Variants in CWF19L2 observed in about 807,000 individuals in gnomAD.
The protein encoded by CWF19L2 is CWF19-like protein 2.
A neutral mutation model predicts 111.7 loss-of-function variants in CWF19L2; 98 were observed. That is an observed-to-expected ratio of 0.88 (90% CI 0.75 to 1.04). CWF19L2 has a LOEUF of 1.04. Among genes scored for constraint, CWF19L2 ranks in the 50% least tolerant of loss-of-function variants. The pLI is 0.00. For synonymous variants in CWF19L2, 351 were observed against 342.9 expected, an observed-to-expected ratio of 1.02 and a Z score of -0.26; for missense variants, 1,101 against 1,051.4, an observed-to-expected ratio of 1.05 and a Z score of -0.65.
intron 10 of CWF19L2, among the ~76,000 whole-genome samples, chr11:107,402,868 G>GGTGTGTGT (rs1290211766): frequency 4.2e-4 from 18 of 42,694 alleles, no homozygotes; most frequent in African/African-American, 1.1e-3. Flanking sequence ...AACAAACTGT[G>GGTGTGTGT]GTGTGTATAT....
rs146846176 is a variant in CWF19L2 at position 107,411,089 on chromosome 11, G to GCACACACACACACA, written c.1617+5106_1617+5119dup. On this transcript the variant is annotated intron_variant, in intron 10 of 17. Transcript: ENST00000282251. ...GTGGTGTGTGTGTGCGCGCGTGCGT[G>GCACACACACACACA]CACACACACACACACACACACACAC... 6.5e-3 allele frequency among the ~76,000 whole-genome samples: 970 copies of GCACACACACACACA among 148,772 alleles called. 8 individuals carry two copies. The highest frequency in any genetic ancestry group is 0.021 in the African/African-American group (855 of 40,252).
At chr11:107,429,985 GA>G (rs1861441856) in intron 7 of CWF19L2, among the ~76,000 whole-genome samples, 1 of 151,762 alleles carries the variant, frequency 6.6e-6, no homozygotes, top group Admixed American at 6.6e-5. Flanking sequence ...TAAGTTATAA[GA>G]AAAAAAGATA....
At chr11:107,394,558 T>G (rs1053183565) in intron 10 of CWF19L2, among the ~76,000 whole-genome samples, 1 of 152,252 alleles carries the variant, frequency 6.6e-6, no homozygotes, top group African/African-American at 2.4e-5. Context: ...CTCTCCTGGT[T>G]CTGCCTTTAC....
intron 3 of CWF19L2, among the ~76,000 whole-genome samples, chr11:107,447,868 A>G (rs190002985): frequency 7.6e-4 from 116 of 152,298 alleles, no homozygotes; most frequent in African/African-American, 1.6e-3. Flanking sequence ...GAAACAGCAA[A>G]CCAAGACTTT....
chr11:107,391,461 G>A (rs1860845889), intron 11 of CWF19L2, among the ~76,000 whole-genome samples: 2 of 152,152 alleles, frequency 1.3e-5, no homozygotes, highest in South Asian at 4.1e-4. Context: ...AATTTCTATT[G>A]TTTAAGCCAT....
Position 107,353,717 on chromosome 11 carries a change from C to A in CWF19L2, c.1892G>T (p.Gly631Val). The A allele has an allele frequency of 6.2e-7, 1 of 1,613,662 alleles. No individual in the cohort carries two copies. Residue 631 changes from glycine to valine, a missense_variant, in exon 13 of 18, where the codon GGA becomes GTA. Gly to Val is a moderately radical substitution (Grantham distance 109). Transcript: ENST00000282251. The stretch of plus-strand genomic sequence containing the variant: ...CATGTCATCCAGGGTGTAATAGTCT[C>A]CATCTGTTTTTCCCATAAACTGAAA... ...MASKFMGKTD[G>V]DYYTLDDMFV...
intron 16 of CWF19L2, among the ~76,000 whole-genome samples, chr11:107,330,359 A>C (rs1437982653): frequency 6.6e-6 from 1 of 152,180 alleles, no homozygotes; most frequent in Non-Finnish European, 1.5e-5. Context: ...ATAGAGAATA[A>C]GTATATGCCT....
chr11:107,353,446 A>T, intron 13 of CWF19L2, 78 bp downstream of exon 13: 1 of 1,085,750 alleles, frequency 9.2e-7, no homozygotes, highest in East Asian at 2.5e-5. Flanking sequence ...CAAAATAATA[A>T]ACTTATTCAA....
intron 14 of CWF19L2, among the ~76,000 whole-genome samples, chr11:107,337,929 T>C (rs1859951835): frequency 7.2e-6 from 1 of 139,456 alleles, no homozygotes; most frequent in African/African-American, 2.6e-5. Flanking sequence ...CTTTACTCAG[T>C]TTCCCCAAGG....
At chr11:107,412,621 A>G (rs897733608) in intron 10 of CWF19L2, among the ~76,000 whole-genome samples, 1 of 152,184 alleles carries the variant, frequency 6.6e-6, no homozygotes, top group African/African-American at 2.4e-5. Context: ...GATTACAGGC[A>G]TGAGCCAGTG....
chr11:107,382,472 G>T (rs895187581), intron 12 of CWF19L2, among the ~76,000 whole-genome samples: 1 of 152,154 alleles, frequency 6.6e-6, no homozygotes, highest in Non-Finnish European at 1.5e-5. Context: ...GATGTGAAAG[G>T]TGAAACAAGA....
At chr11:107,404,156 T>G in intron 10 of CWF19L2, 1 of 775,978 alleles carries the variant, frequency 1.3e-6, no homozygotes, top group Non-Finnish European at 2.4e-6. Flanking sequence ...TCTGCACGAT[T>G]TTTTGCATTT....
In CWF19L2 at chr11:107,380,033, C is replaced by T. The variant is rs986786439; in HGVS notation, c.1872+10041G>A. 2.9e-5 allele frequency among the ~76,000 whole-genome samples: 3 copies of T among 103,672 alleles called. No individual in the cohort carries two copies. In the Admixed American group the frequency reaches 4.3e-4, roughly 15 times the overall value. 68.0% of individuals were successfully genotyped at this position (103,672 alleles called of 152,430 possible). A position where few individuals can be genotyped will look rare whatever the true frequency, so the allele number is the denominator to read the frequency against. ...CTGCCCTCCAACCTGGGCGACAGAG[C>T]GAGACACCGTCTCAAAAAAAAAAAA... On this transcript the variant is annotated intron_variant, in intron 12 of 17. Coordinates refer to ENST00000282251, the MANE Select transcript of CWF19L2 (RefSeq NM_152434.3).
intron 3 of CWF19L2, among the ~76,000 whole-genome samples, chr11:107,443,835 T>C (rs1015154671): frequency 2.0e-5 from 3 of 152,220 alleles, no homozygotes; most frequent in Non-Finnish European, 2.9e-5. Context: ...CCAATTCCCA[T>C]ATTCTCAGCA....
intron 14 of CWF19L2, among the ~76,000 whole-genome samples, chr11:107,337,507 C>G (rs954528707): frequency 1.3e-5 from 2 of 151,900 alleles, no homozygotes; most frequent in Non-Finnish European, 2.9e-5. Context: ...CATGACACCC[C>G]CTGTAGTACA....
chr11:107,361,619 T>G (rs972149305), intron 12 of CWF19L2, among the ~76,000 whole-genome samples: 1 of 152,236 alleles, frequency 6.6e-6, no homozygotes, highest in African/African-American at 2.4e-5. Context: ...ATGGGATGTT[T>G]TTCCATTTAT....
chr11:107,402,734 C>G (rs1300029393), intron 10 of CWF19L2, among the ~76,000 whole-genome samples: 4 of 151,582 alleles, frequency 2.6e-5, no homozygotes. Flanking sequence ...TACTGGGTAT[C>G]TATCCAAAGG....
chr11:107,354,108 T>C (rs922421924), intron 12 of CWF19L2, among the ~76,000 whole-genome samples: 1 of 152,100 alleles, frequency 6.6e-6, no homozygotes, highest in Non-Finnish European at 1.5e-5. Flanking sequence ...AACTTTTTTT[T>C]TTTTTTTAAC....
At chr11:107,349,840 A>C (rs1032573485) in intron 13 of CWF19L2, among the ~76,000 whole-genome samples, 1 of 152,134 alleles carries the variant, frequency 6.6e-6, no homozygotes, top group Non-Finnish European at 1.5e-5. Context: ...ATTACAGTAA[A>C]ATCACAAACA....
Sources: gnomAD v4.1 joint callset for allele counts (sites outside exome capture counted in the v4.1 genomes callset) on GRCh38, gnomAD v4.1.1 for gene constraint, MANE v1.5 for transcripts, NCBI Gene and HGNC (gene_info 2026-07-23, HGNC 2026-07-21) for gene names.